The following NME9 variants were observed in gnomAD, a reference collection of about 807,000 sequenced individuals.
NME9 encodes the protein NME/NM23 family member 9, also known as thioredoxin domain-containing protein 6.
Under a neutral mutation model 44.4 loss-of-function variants are expected in NME9, and 48 were observed. That is an observed-to-expected ratio of 1.08 (90% CI 0.86 to 1.37). The LOEUF (loss-of-function observed/expected upper bound fraction) is 1.37. Ranked by LOEUF, NME9 falls within the 40% of genes most tolerant of loss-of-function variation. The pLI is 0.00. For missense variants in NME9, 325 were observed against 405.2 expected (o/e 0.80, Z 1.70); for synonymous variants, 139 against 147.1 (o/e 0.94, Z 0.40).
intron 8 of NME9, chr3:138,290,462 G>A: frequency 9.8e-7 from 1 of 1,022,420 alleles, no homozygotes; most frequent in African/African-American, 1.6e-5. Flanking sequence ...GAAGGACACT[G>A]GTAAGGCTCT....
intron 2 of NME9, 110 bp from the exon 3 acceptor site, chr3:138,319,691 G>A (rs538270941): frequency 3.0e-4 from 200 of 661,474 alleles, no homozygotes; most frequent in Non-Finnish European, 3.8e-4. Context: ...TTCATTTGCC[G>A]GGATATCTAA....
intron 4 of NME9, 34 bp from the exon 5 acceptor site, chr3:138,315,677 T>C (rs1427694828): frequency 6.9e-7 from 1 of 1,447,772 alleles, no homozygotes; most frequent in Admixed American, 2.0e-5. Flanking sequence ...GAAATACTCT[T>C]GGCAAATATT....
intron 9 of NME9, 132 bp downstream of exon 9, chr3:138,304,741 A>G: frequency 1.1e-6 from 1 of 908,732 alleles, no homozygotes; most frequent in Admixed American, 2.3e-5. Context: ...CTCCCCAAAT[A>G]TATAATAGAG....
chr3:138,267,720 A>C (rs1295896084), intron 8 of NME9, among the ~76,000 whole-genome samples: 1 of 152,162 alleles, frequency 6.6e-6, no homozygotes, highest in Non-Finnish European at 1.5e-5. Context: ...GCATTTTATA[A>C]AATATTTGAG....
At chr3:138,321,891 T>C (rs1271349638) in intron 2 of NME9, among the ~76,000 whole-genome samples, 18 of 150,444 alleles carry the variant, frequency 1.2e-4, no homozygotes, top group Admixed American at 1.2e-3. Flanking sequence ...CAAACTCAAC[T>C]CTAAACAGGC....
chr3:138,263,119 T>G lies in NME9; in HGVS notation c.746-533A>C, dbSNP rs148936612. On this transcript the variant is annotated intron_variant, in intron 8 of 8. Transcript: ENST00000317876. ...AGGCCCACACAAGTCAAATTCAGTT[T>G]CCTTCACACACTATTTATTTTGTAT... Among the ~76,000 whole-genome samples, 28 of 152,392 alleles carry G rather than the reference T, an allele frequency of 1.8e-4. 1 individual carries two copies. Among genetic ancestry groups the G allele is most frequent in the Middle Eastern group, 3.4e-3 (1 of 294 alleles).
In NME9 at chr3:138,281,899, C is replaced by T. The variant is rs577974668; in HGVS notation, c.746-19313G>A. Among the ~76,000 whole-genome samples, 4 of 152,094 alleles carry T rather than the reference C, an allele frequency of 2.6e-5. No homozygotes were observed. In the East Asian group the frequency reaches 7.7e-4, roughly 29 times the overall value. ...CCCCATGAATACCTTGGTTATGAAG[C>T]CTTATTAAAATTCTTATTCATAATA... On this transcript the variant is annotated intron_variant, in intron 8 of 8. Transcript: ENST00000317876.
At chr3:138,325,609 T>C (rs1334551121) in intron 1 of NME9, among the ~76,000 whole-genome samples, 1 of 152,048 alleles carries the variant, frequency 6.6e-6, no homozygotes, top group Non-Finnish European at 1.5e-5. Context: ...GGTTCCACCA[T>C]GTTGGCCAGG....
chr3:138,274,934 A>G (rs1215300799), intron 8 of NME9, among the ~76,000 whole-genome samples: 1 of 152,214 alleles, frequency 6.6e-6, no homozygotes, highest in Non-Finnish European at 1.5e-5. Flanking sequence ...CGACTCGCTG[A>G]TAAAATAATT....
At chr3:138,268,553 A>AT (rs1192943738) in intron 8 of NME9, among the ~76,000 whole-genome samples, 1 of 152,252 alleles carries the variant, frequency 6.6e-6, no homozygotes, top group Non-Finnish European at 1.5e-5. Context: ...CACTAATACG[A>AT]TTTTTTTATA....
At chr3:138,296,176 TTGCCTATGC>T (rs2051466649), downstream of NME9, 1 of 338,450 alleles carries the variant, frequency 3.0e-6, no homozygotes, top group African/African-American at 2.1e-5. Context: ...CCTACAATTT[TTGCCTATGC>T]TGCAGCCACT....
At position 138,303,592 on chromosome 3, in the gene NME9, G is replaced by A; in HGVS notation, c.843C>T (p.Ser281=). 6.2e-7 allele frequency: 1 copy of A among 1,613,820 alleles called. No homozygotes were observed. The highest frequency in any genetic ancestry group is 8.5e-7 in the Non-Finnish European group (1 of 1,179,680). The change falls in exon 10 of 11, where the codon AGC becomes AGT. Residue 281 remains serine, a synonymous_variant. Transcript: ENST00000333911. Reference sequence around the variant, plus strand: ...CTCTGTCAGCATCTTCTCTGTCCCGGCTTCCATGGACGGCATTGAAGGGCA... The same window carrying A: ...CTCTGTCAGCATCTTCTCTGTCCCGACTTCCATGGACGGCATTGAAGGGCA... ...TEMPFNAVHG[S]RDREDADREL...
At chr3:138,316,100 G>C (rs773089295) in intron 4 of NME9, among the ~76,000 whole-genome samples, 2 of 152,048 alleles carry the variant, frequency 1.3e-5, no homozygotes, top group Non-Finnish European at 2.9e-5. Context: ...CCAAAGCGTT[G>C]GGATTACAGG....
At chr3:138,295,947 A>G in intron 8 of NME9, 1 of 1,586,158 alleles carries the variant, frequency 6.3e-7, no homozygotes, top group Non-Finnish European at 8.6e-7. Context: ...AAGGAAGTAC[A>G]GGAACCAGCC....
intron 8 of NME9, chr3:138,274,426 AT>A (rs1418938538): frequency 2.7e-6 from 4 of 1,470,618 alleles, no homozygotes; most frequent in Non-Finnish European, 3.8e-6. Context: ...TTTGATAATT[AT>A]GGATTTCCCA....
intron 8 of NME9, chr3:138,273,152 C>A: frequency 6.3e-7 from 1 of 1,590,240 alleles, no homozygotes; most frequent in Non-Finnish European, 8.6e-7. Context: ...AATTAGCTAG[C>A]CCTGCATATG....
intron 4 of NME9, 85 bp from the exon 5 acceptor site, chr3:138,315,728 C>T: frequency 8.9e-7 from 1 of 1,127,066 alleles, no homozygotes; most frequent in East Asian, 2.6e-5. Flanking sequence ...AGGAGTGTCC[C>T]CAAGTTCAAG....
intron 8 of NME9, among the ~76,000 whole-genome samples, chr3:138,283,399 C>G (rs2050123333): frequency 6.6e-6 from 1 of 152,234 alleles, no homozygotes; most frequent in South Asian, 2.1e-4. Flanking sequence ...AGGACTGTGT[C>G]ACTTCCTCCG....
At chr3:138,295,994 A>T in intron 8 of NME9, 2 of 1,297,742 alleles carry the variant, frequency 1.5e-6, no homozygotes, top group Non-Finnish European at 2.1e-6. Flanking sequence ...GTCACCTTGG[A>T]CTGCAGGGAG....
Sources: gnomAD v4.1 joint callset for allele counts (sites outside exome capture counted in the v4.1 genomes callset) on GRCh38, gnomAD v4.1.1 for gene constraint, MANE v1.5 for transcripts, NCBI Gene and HGNC (gene_info 2026-07-23, HGNC 2026-07-21) for gene names.